Variants in PPP1R42 observed in about 807,000 individuals in gnomAD.
PPP1R42 encodes leucine rich repeat containing 67.
In PPP1R42, 34 loss-of-function variants were observed where a neutral mutation model predicts 31.0. That is an observed-to-expected ratio of 1.10 (90% CI 0.83 to 1.46). PPP1R42 has a LOEUF of 1.46. PPP1R42 is among the 40% of genes most tolerant of loss of function. The pLI is 0.00. For missense variants in PPP1R42, 268 were observed against 303.0 expected (o/e 0.88, Z 0.86); for synonymous variants, 103 against 109.8 (o/e 0.94, Z 0.39).
chr8:67,028,495 C>A lies in PPP1R42; in HGVS notation c.-89G>T, dbSNP rs1816470044. 21 of 985,530 alleles carry A rather than the reference C, an allele frequency of 2.1e-5. No homozygotes were observed. Among genetic ancestry groups the A allele is most frequent in the Non-Finnish European group, 2.5e-5 (21 of 829,962 alleles). 61.0% of individuals were successfully genotyped at this position (985,530 alleles called of 1,614,324 possible). A position where few individuals can be genotyped will look rare whatever the true frequency, so the allele number is the denominator to read the frequency against. ...TATTCCCCGCGGGCAGCTCACCGCT[C>A]GCGGGACAGTCCGGTAGCTAACTCC... On this transcript the variant is annotated 5_prime_UTR_variant, in exon 1 of 8. It introduces an in-frame stop codon into an upstream open reading frame of the 5' UTR. Transcript: ENST00000685739.
At chr8:66,984,916 C>A in intron 6 of PPP1R42, 1 of 1,532,998 alleles carries the variant, frequency 6.5e-7, no homozygotes, top group South Asian at 1.1e-5. Context: ...AAGATACACT[C>A]CCAAAGTAAC....
intron 7 of PPP1R42, among the ~76,000 whole-genome samples, chr8:66,972,023 GGTAGGT>G (rs1456271600): frequency 2.0e-5 from 3 of 152,148 alleles, no homozygotes; most frequent in African/African-American, 4.8e-5. Flanking sequence ...AGACCTGAAA[GGTAGGT>G]ATACTGTAGA....
rs968422617 is a variant in PPP1R42, at chr8:66,964,346, G to T, written c.803-12C>A. On this transcript the variant is annotated splice_polypyrimidine_tract_variant and intron_variant, in intron 7 of 7. Transcript: ENST00000685739. ...TCAAAGAGAGATTCCTGTATTTATA[G>T]AGAGGGAAAAAAAAGCATTAAATTA... The T allele has an allele frequency of 3.4e-5, 42 of 1,237,672 alleles. No homozygotes were observed. The highest frequency in any genetic ancestry group is 4.3e-5 in the Non-Finnish European group (42 of 968,856). 76.7% of individuals were successfully genotyped at this position (1,237,672 alleles called of 1,614,324 possible).
chr8:66,969,879 A>G lies in PPP1R42; in HGVS notation c.803-5545T>C, dbSNP rs117682726. ...GGTTGGAAGGATCAATAGAGCAATC[A>G]TTGTATTGATTATAAATGAAAAAAT... is the stretch of plus-strand genomic sequence containing the variant. On this transcript the variant is annotated intron_variant, in intron 7 of 7. Coordinates refer to ENST00000685739, the MANE Select transcript of PPP1R42 (RefSeq NM_001364910.1). Among the ~76,000 whole-genome samples the G allele has an allele frequency of 5.1e-4, 78 of 152,304 alleles. 1 individual carries two copies. In the East Asian group the frequency reaches 0.012, roughly 24 times the overall value.
chr8:67,024,711 T>G (rs1196804053), intron 1 of PPP1R42, among the ~76,000 whole-genome samples: 3 of 151,872 alleles, frequency 2.0e-5, no homozygotes, highest in Non-Finnish European at 4.4e-5. Flanking sequence ...TCTCCAGACC[T>G]CGTGATCCAC....
At chr8:67,001,281 G>A in intron 5 of PPP1R42, among the ~76,000 whole-genome samples, 1 of 147,240 alleles carries the variant, frequency 6.8e-6, no homozygotes, top group Middle Eastern at 3.3e-3. Context: ...GAACTCCTGG[G>A]CTCAAGTGAT....
intron 7 of PPP1R42, among the ~76,000 whole-genome samples, chr8:66,968,075 A>G (rs1380799416): frequency 1.3e-5 from 2 of 152,142 alleles, no homozygotes; most frequent in Non-Finnish European, 2.9e-5. Flanking sequence ...TTTGTTTAAT[A>G]CCATATTTTA....
At chr8:66,968,083 T>C (rs1814436551) in intron 7 of PPP1R42, among the ~76,000 whole-genome samples, 1 of 152,058 alleles carries the variant, frequency 6.6e-6, no homozygotes, top group Non-Finnish European at 1.5e-5. Flanking sequence ...ATACCATATT[T>C]TAAAAAATTG....
At chr8:66,985,855 C>A in intron 6 of PPP1R42, 3 of 1,190,548 alleles carry the variant, frequency 2.5e-6, no homozygotes, top group Middle Eastern at 2.1e-4. Context: ...CAGGGATCAC[C>A]TCTGGCTCTT....
chr8:67,015,802 C>G (rs1304102680), intron 2 of PPP1R42, among the ~76,000 whole-genome samples: 1 of 152,026 alleles, frequency 6.6e-6, no homozygotes, highest in Non-Finnish European at 1.5e-5. Context: ...AGAGATCAGC[C>G]TAGAGTAAAT....
chr8:67,019,341 A>C lies in PPP1R42; in HGVS notation c.-84-1510T>G, dbSNP rs547458617. Among the ~76,000 whole-genome samples the C allele has an allele frequency of 1.3e-4, 18 of 142,328 alleles. No individual in the cohort carries two copies. The East Asian group carries it at 3.8e-3, about 30-fold the overall frequency. The allele number at this position is 142,328 out of a possible 152,430, so 93.4% of individuals were successfully genotyped here. A position where few individuals can be genotyped will look rare whatever the true frequency, so the allele number is the denominator to read the frequency against. On this transcript the variant is annotated intron_variant, in intron 1 of 7. Coordinates refer to ENST00000685739, the MANE Select transcript of PPP1R42 (RefSeq NM_001364910.1). ...ACTGCAACCTCTGCCTCCTGGGTTC[A>C]AGCAATTCTCTGCCTCAGGCTCCCG... is the stretch of plus-strand genomic sequence containing the variant.
intron 5 of PPP1R42, among the ~76,000 whole-genome samples, chr8:66,999,940 A>G (rs567804783): frequency 2.6e-5 from 4 of 152,266 alleles, no homozygotes; most frequent in African/African-American, 9.6e-5. Context: ...CTGTAGTGAC[A>G]TAGTTTTCAT....
intron 5 of PPP1R42, among the ~76,000 whole-genome samples, chr8:66,989,201 G>A (rs1270225651): frequency 6.6e-6 from 1 of 152,064 alleles, no homozygotes; most frequent in South Asian, 2.1e-4. Flanking sequence ...CTTATAAGAA[G>A]AAAATCAGCT....
intron 7 of PPP1R42, among the ~76,000 whole-genome samples, chr8:66,973,715 A>G (rs945696966): frequency 1.3e-5 from 2 of 152,180 alleles, no homozygotes; most frequent in Admixed American, 6.5e-5. Flanking sequence ...GTTTGGCCGA[A>G]ACTTTATGCC....
chr8:67,021,104 A>G (rs1441799669), intron 1 of PPP1R42: 1 of 152,260 alleles, frequency 6.6e-6, no homozygotes, highest in Non-Finnish European at 1.5e-5. Context: ...CCAAAAACAC[A>G]GTTTAAAATT....
intron 1 of PPP1R42, chr8:67,021,410 C>T (rs941907668): frequency 3.9e-5 from 6 of 152,014 alleles, no homozygotes; most frequent in Non-Finnish European, 7.4e-5. Flanking sequence ...ATAAAATCTT[C>T]GTAGATTTTT....
intron 1 of PPP1R42, among the ~76,000 whole-genome samples, chr8:67,024,038 C>T (rs1379240683): frequency 6.6e-6 from 1 of 151,736 alleles, no homozygotes; most frequent in Non-Finnish European, 1.5e-5. Context: ...CCCAGCTACT[C>T]AGGAGGCTGA....
chr8:66,966,879 T>C (rs1050074527), intron 7 of PPP1R42, among the ~76,000 whole-genome samples: 1 of 152,212 alleles, frequency 6.6e-6, no homozygotes, highest in East Asian at 1.9e-4. Context: ...AATTAGATCT[T>C]ATATAACTCT....
chr8:67,017,498 A>C (rs78422147), intron 2 of PPP1R42, 121 bp downstream of exon 2: 6 of 387,046 alleles, frequency 1.6e-5, no homozygotes, highest in Non-Finnish European at 2.1e-5. Context: ...ACTCTATCTC[A>C]AAAAAAAAAG....
Sources: allele counts gnomAD v4.1 joint callset (sites outside exome capture counted in the v4.1 genomes callset), GRCh38; gene constraint gnomAD v4.1.1; transcripts MANE v1.5; gene names NCBI Gene and HGNC (gene_info 2026-07-23, HGNC 2026-07-21).